The following NBPF3 variants were observed in gnomAD, a reference collection of about 807,000 sequenced individuals.
NBPF3 encodes NBPF member 3.
A neutral mutation model predicts 78.1 loss-of-function variants in NBPF3; 57 were observed. The ratio of observed to expected loss-of-function variants is 0.73; its 90% CI spans 0.59 to 0.91. The LOEUF (loss-of-function observed/expected upper bound fraction) is 0.91, where lower values mean the gene tolerates loss of function less well. Ranked by LOEUF, NBPF3 falls within the 40% of genes least tolerant of loss-of-function variation. The pLI is 0.00. For missense variants in NBPF3, 510 were observed against 715.3 expected (o/e 0.71, Z 3.27); for synonymous variants, 182 against 271.7 (o/e 0.67, Z 3.25).
At chr1:21,471,807 G>T in intron 5 of NBPF3, 24 bp downstream of exon 5, 1 of 1,611,288 alleles carries the variant, frequency 6.2e-7, no homozygotes, top group Non-Finnish European at 8.5e-7. Flanking sequence ...AGGCCCTGAT[G>T]ACCCAAAACC....
At chr1:21,451,467 C>T (rs10737458) in intron 2 of NBPF3, among the ~76,000 whole-genome samples, 109,967 of 152,156 alleles carry the variant, frequency 0.72, 40,770 homozygotes, top group Non-Finnish European at 0.8. Context: ...AAGCTTTTGC[C>T]CCTTCCAAAG....
chr1:21,447,009 T>G (rs1226823914), intron 2 of NBPF3, among the ~76,000 whole-genome samples: 1 of 152,242 alleles, frequency 6.6e-6, no homozygotes, highest in African/African-American at 2.4e-5. Flanking sequence ...GACTCCAGGT[T>G]GGTGCACTTC....
rs771783830 is a variant in NBPF3, at chr1:21,472,932, G to A, written c.734+17G>A. ...TGCCCCCAGGTAACGCTGAATAATC[G>A]GGAGCAAGTAATGGGTGGTAACATA... On this transcript the variant is annotated intron_variant, in intron 6 of 14. Transcript: ENST00000318249. 24 of 1,586,986 alleles carry A rather than the reference G, an allele frequency of 1.5e-5. No individual in the cohort carries two copies. The highest frequency in any genetic ancestry group is 1.1e-4 in the African/African-American group (8 of 74,246).
At chr1:21,437,034 G>A (rs1640439645), upstream of NBPF3, among the ~76,000 whole-genome samples, 4 of 151,248 alleles carry the variant, frequency 2.6e-5, no homozygotes, top group East Asian at 7.7e-4. Flanking sequence ...GGGGTGCTTG[G>A]GCAGCTGGGG....
chr1:21,447,668 G>A (rs1270143529), intron 2 of NBPF3, among the ~76,000 whole-genome samples: 2 of 152,120 alleles, frequency 1.3e-5, no homozygotes, highest in African/African-American at 4.8e-5. Flanking sequence ...GACATCTTGG[G>A]TACTTCCAAG....
intron 2 of NBPF3, among the ~76,000 whole-genome samples, chr1:21,452,330 C>T (rs1039711454): frequency 6.6e-6 from 1 of 152,094 alleles, no homozygotes; most frequent in African/African-American, 2.4e-5. Flanking sequence ...TCTGAAATAC[C>T]ACGAGGAATG....
chr1:21,465,815 T>C (rs1437558144), intron 2 of NBPF3, among the ~76,000 whole-genome samples: 1 of 152,200 alleles, frequency 6.6e-6, no homozygotes, highest in African/African-American at 2.4e-5. Context: ...TCAGCAGTCA[T>C]GGGTGAGTAA....
At chr1:21,437,451 A>C (rs1479528352), upstream of NBPF3, 5 of 1,428,370 alleles carry the variant, frequency 3.5e-6, no homozygotes, top group Admixed American at 2.1e-5. Context: ...CTGCGGGACA[A>C]GACCGAGGGC....
intron 6 of NBPF3, among the ~76,000 whole-genome samples, chr1:21,473,135 A>T (rs566881742): frequency 6.6e-6 from 1 of 152,238 alleles, no homozygotes; most frequent in African/African-American, 2.4e-5. Flanking sequence ...CTGAGTTTTC[A>T]TCCTCCTCGG....
At chr1:21,442,952 C>G (rs1432317884) in intron 1 of NBPF3, among the ~76,000 whole-genome samples, 2 of 152,102 alleles carry the variant, frequency 1.3e-5, no homozygotes, top group African/African-American at 4.8e-5. Context: ...GTGAGCCACC[C>G]CACCTGGCTA....
intron 8 of NBPF3, among the ~76,000 whole-genome samples, chr1:21,477,740 G>A (rs1045081813): frequency 4.6e-5 from 7 of 152,124 alleles, no homozygotes; most frequent in Non-Finnish European, 1.0e-4. Flanking sequence ...TTGTAAAAAG[G>A]GGACCCTTAA....
At chr1:21,458,877 AT>A (rs1278192016) in intron 2 of NBPF3, among the ~76,000 whole-genome samples, 1 of 152,216 alleles carries the variant, frequency 6.6e-6, no homozygotes, top group East Asian at 1.9e-4. Flanking sequence ...TGAATTACAC[AT>A]TTTAAAGTGG....
chr1:21,462,748 G>A (rs4529683), intron 2 of NBPF3, among the ~76,000 whole-genome samples: 1,957 of 152,302 alleles, frequency 0.013, 46 homozygotes, highest in African/African-American at 0.044. Flanking sequence ...TAGCTTTGAA[G>A]GCCAAAAGGA....
chr1:21,478,777 T>A (rs1284835720), intron 9 of NBPF3, among the ~76,000 whole-genome samples: 1 of 152,224 alleles, frequency 6.6e-6, no homozygotes, highest in Non-Finnish European at 1.5e-5. Context: ...TTCACTGAAT[T>A]TTTCCCCCTT....
chr1:21,468,440 G>A, intron 2 of NBPF3: 35 of 1,386,520 alleles, frequency 2.5e-5, no homozygotes, highest in Non-Finnish European at 3.3e-5. Context: ...TGCAACTGCA[G>A]ACCGTTACCT....
At chr1:21,479,806 C>CTTTCTA (rs1553398276) in intron 10 of NBPF3, among the ~76,000 whole-genome samples, 1 of 87,468 alleles carries the variant, frequency 1.1e-5, no homozygotes, top group Non-Finnish European at 2.7e-5. Flanking sequence ...CTCTCTCTCT[C>CTTTCTA]TCTCTCTCTC....
At chr1:21,442,725 A>C (rs961531392) in intron 1 of NBPF3, among the ~76,000 whole-genome samples, 1 of 151,646 alleles carries the variant, frequency 6.6e-6, no homozygotes, top group Non-Finnish European at 1.5e-5. Context: ...GTGTGGTGGC[A>C]GGATCTCAGC....
At chr1:21,453,079 C>T (rs1641401339) in intron 2 of NBPF3, among the ~76,000 whole-genome samples, 1 of 152,170 alleles carries the variant, frequency 6.6e-6, no homozygotes, top group African/African-American at 2.4e-5. Context: ...CTTCTTCCCA[C>T]AGATCCACTG....
At chr1:21,450,444 A>T (rs1641243829) in intron 2 of NBPF3, among the ~76,000 whole-genome samples, 1 of 152,226 alleles carries the variant, frequency 6.6e-6, no homozygotes, top group Admixed American at 6.5e-5. Context: ...GATCCAGTTC[A>T]TGCAGGTAAC....
Sources: gnomAD v4.1 joint callset for allele counts (sites outside exome capture counted in the v4.1 genomes callset) on GRCh38, gnomAD v4.1.1 for gene constraint, MANE v1.5 for transcripts, NCBI Gene and HGNC (gene_info 2026-07-23, HGNC 2026-07-21) for gene names.